Variants in HS3ST2 observed in about 807,000 individuals in gnomAD.
The protein encoded by HS3ST2 is heparan sulfate-glucosamine 3-sulfotransferase 2, also known as heparan sulfate glucosamine 3-O-sulfotransferase 2.
A neutral mutation model predicts 26.3 loss-of-function variants in HS3ST2; 17 were observed. That is an observed-to-expected ratio of 0.65 (90% CI 0.44 to 0.97). The LOEUF (loss-of-function observed/expected upper bound fraction) is 0.97, where lower values mean the gene tolerates loss of function less well. Ranked by LOEUF, HS3ST2 falls within the 50% of genes least tolerant of loss-of-function variation. The probability of loss-of-function intolerance (pLI) is 0.00; values close to 1 mark genes in which losing one functional copy is unlikely to be tolerated. For synonymous variants in HS3ST2, 237 were observed against 219.2 expected (o/e 1.08, Z -0.72); for missense variants, 402 against 501.2 (o/e 0.80, Z 1.89).
At chr16:22,842,414 T>C (rs1165281941) in intron 1 of HS3ST2, among the ~76,000 whole-genome samples, 1 of 152,154 alleles carries the variant, frequency 6.6e-6, no homozygotes, top group East Asian at 1.9e-4. Context: ...TGTTTATTTA[T>C]TTATCATTTT....
rs528043197 is a variant in HS3ST2 at position 22,911,361 on chromosome 16, G to A, written c.486-3583G>A. ...AAGTGAAATCAAGAGAATCCCAGAT[G>A]AATTTGAAAATGGGTATAAGAAGTT... On this transcript the variant is annotated intron_variant, in intron 1 of 1. Transcript: ENST00000261374. Among the ~76,000 whole-genome samples, 16 of 152,320 alleles carry A rather than the reference G, an allele frequency of 1.1e-4. No individual in the cohort carries two copies. The Middle Eastern group carries it at 0.01, about 97-fold the overall frequency.
chr16:22,825,175 C>A (rs1326413770), intron 1 of HS3ST2, among the ~76,000 whole-genome samples: 1 of 152,196 alleles, frequency 6.6e-6, no homozygotes, highest in Non-Finnish European at 1.5e-5. Context: ...TGTGTGCCAA[C>A]CAGAGGCTTC....
At chr16:22,842,590 C>T (rs748660276) in intron 1 of HS3ST2, among the ~76,000 whole-genome samples, 7 of 152,122 alleles carry the variant, frequency 4.6e-5, no homozygotes, top group Admixed American at 6.6e-5. Context: ...TATCAGAATA[C>T]ATTTTGCTTC....
chr16:22,829,742 T>A (rs1901141708), intron 1 of HS3ST2, among the ~76,000 whole-genome samples: 1 of 152,232 alleles, frequency 6.6e-6, no homozygotes, highest in African/African-American at 2.4e-5. Flanking sequence ...TGGCTTCTCC[T>A]ATATAAGATA....
At chr16:22,850,908 T>A (rs980586067) in intron 1 of HS3ST2, among the ~76,000 whole-genome samples, 1 of 152,214 alleles carries the variant, frequency 6.6e-6, no homozygotes, top group African/African-American at 2.4e-5. Context: ...ATCTGAGGGT[T>A]CTACTGGGAT....
intron 1 of HS3ST2, among the ~76,000 whole-genome samples, chr16:22,868,172 C>T (rs953899260): frequency 1.2e-4 from 18 of 152,060 alleles, no homozygotes; most frequent in African/African-American, 2.9e-4. Flanking sequence ...CTTTGGGAGG[C>T]GGAGGTGGGC....
intron 1 of HS3ST2, among the ~76,000 whole-genome samples, chr16:22,851,881 A>G (rs1292047927): frequency 6.6e-6 from 1 of 152,128 alleles, no homozygotes; most frequent in Non-Finnish European, 1.5e-5. Context: ...ATGACCAGAC[A>G]TTTGAAATGT....
intron 1 of HS3ST2, among the ~76,000 whole-genome samples, chr16:22,905,657 A>G (rs1441901148): frequency 2.6e-5 from 4 of 152,186 alleles, no homozygotes; most frequent in Non-Finnish European, 5.9e-5. Flanking sequence ...CCAGGTGTAG[A>G]GAATACAGCA....
chr16:22,868,174 G>A (rs1356749904), intron 1 of HS3ST2, among the ~76,000 whole-genome samples: 1 of 152,104 alleles, frequency 6.6e-6, no homozygotes, highest in African/African-American at 2.4e-5. Context: ...TTGGGAGGCG[G>A]AGGTGGGCAG....
chr16:22,909,296 CCAAA>C (rs1902392536), intron 1 of HS3ST2, among the ~76,000 whole-genome samples: 2 of 152,216 alleles, frequency 1.3e-5, no homozygotes, highest in South Asian at 4.2e-4. Flanking sequence ...GGAGGAAAGT[CCAAA>C]CAATGAGCAT....
chr16:22,857,738 C>T (rs1011963605), intron 1 of HS3ST2, among the ~76,000 whole-genome samples: 1 of 152,068 alleles, frequency 6.6e-6, no homozygotes, highest in African/African-American at 2.4e-5. Flanking sequence ...CAGAAAATGC[C>T]CAAATGCTCC....
intron 1 of HS3ST2, among the ~76,000 whole-genome samples, chr16:22,898,877 A>T (rs1229598233): frequency 6.6e-6 from 1 of 152,176 alleles, no homozygotes; most frequent in Non-Finnish European, 1.5e-5. Flanking sequence ...AGCTTAATGT[A>T]TCCTGGTACG....
intron 1 of HS3ST2, among the ~76,000 whole-genome samples, chr16:22,881,569 G>T (rs1052159197): frequency 2.0e-5 from 3 of 152,318 alleles, no homozygotes; most frequent in Admixed American, 6.5e-5. Context: ...AGTAGAGCTT[G>T]CAGGAAGCTG....
chr16:22,911,767 T>C (rs906347172), intron 1 of HS3ST2, among the ~76,000 whole-genome samples: 9 of 152,224 alleles, frequency 5.9e-5, no homozygotes, highest in Non-Finnish European at 1.5e-5. Context: ...GATGATCTCA[T>C]ATGCAAGTCC....
At chr16:22,882,913 C>T (rs1244495845) in intron 1 of HS3ST2, among the ~76,000 whole-genome samples, 1 of 150,462 alleles carries the variant, frequency 6.6e-6, no homozygotes, top group African/African-American at 2.5e-5. Flanking sequence ...TGCCTATAGT[C>T]CCAGCTACTT....
At position 22,866,104 on chromosome 16, in the gene HS3ST2, T is replaced by C. The variant is rs149686464; in HGVS notation, c.486-48840T>C. 1.5e-3 allele frequency among the ~76,000 whole-genome samples: 228 copies of C among 152,214 alleles called. 1 individual carries two copies. The highest frequency in any genetic ancestry group is 4.3e-3 in the Admixed American group (66 of 15,282). ...GCAGCATTTAAAGCCCAGAACAACATGACTGCACTTATTTAGTATTGTTCT... is the reference window on the plus strand; with the variant it reads ...GCAGCATTTAAAGCCCAGAACAACACGACTGCACTTATTTAGTATTGTTCT... On this transcript the variant is annotated intron_variant, in intron 1 of 1. Transcript: ENST00000261374.
At chr16:22,815,592 G>T (rs1900852807) in intron 1 of HS3ST2, among the ~76,000 whole-genome samples, 1 of 152,166 alleles carries the variant, frequency 6.6e-6, no homozygotes, top group African/African-American at 2.4e-5. Context: ...ATCGCCAGAG[G>T]TCTCCAGTAA....
chr16:22,845,001 C>T lies in HS3ST2; in HGVS notation c.485+29906C>T, dbSNP rs150915758. On this transcript the variant is annotated intron_variant, in intron 1 of 1. Transcript: ENST00000261374. ...TCCCAAGTAGCTGGGATTACAGGTG[C>T]CTGCCACCATGCCTGGCTAATTTTT... is the stretch of plus-strand genomic sequence containing the variant. Among the ~76,000 whole-genome samples, 1,478 of 151,298 alleles carry T rather than the reference C, an allele frequency of 9.8e-3. 21 individuals are homozygous for T. Among genetic ancestry groups the T allele is most frequent in the Non-Finnish European group, 0.016 (1,088 of 67,972 alleles).
intron 1 of HS3ST2, among the ~76,000 whole-genome samples, chr16:22,885,065 T>C (rs1282746833): frequency 6.6e-6 from 1 of 152,080 alleles, no homozygotes; most frequent in African/African-American, 2.4e-5. Flanking sequence ...GGTCTTGAAC[T>C]CCTGACCTCA....
Sources: allele counts gnomAD v4.1 joint callset (sites outside exome capture counted in the v4.1 genomes callset), GRCh38; gene constraint gnomAD v4.1.1; transcripts MANE v1.5; gene names NCBI Gene and HGNC (gene_info 2026-07-23, HGNC 2026-07-21).